ANKS1B: variants seen among roughly 807,000 people sequenced by gnomAD.
ANKS1B encodes the protein ankyrin repeat and sterile alpha motif domain-containing protein 1B.
Under a neutral mutation model 148.3 loss-of-function variants are expected in ANKS1B, and 36 were observed. The ratio of observed to expected loss-of-function variants is 0.24; its 90% confidence interval spans 0.19 to 0.32. The LOEUF (loss-of-function observed/expected upper bound fraction) is 0.32. Ranked by LOEUF, ANKS1B falls within the 10% of genes least tolerant of loss-of-function variation. ANKS1B has a pLI of 1.00. For missense variants in ANKS1B, 1,157 were observed against 1,542.6 expected (o/e 0.75, Z 4.19); for synonymous variants, 542 against 560.8 (o/e 0.97, Z 0.47).
At position 99,360,983 on chromosome 12, in the gene ANKS1B, A is replaced by T. The variant is rs1384382855; in HGVS notation, c.1756+38648T>A. Among the ~76,000 whole-genome samples, 8 of 151,564 alleles carry T rather than the reference A, an allele frequency of 5.3e-5. No individual in the cohort carries two copies. The South Asian group carries it at 1.7e-3, about 32-fold the overall frequency. ...GAAGGGTAGCTGGGGGACTGCGGGGAGGTGGGGATGGTTAATGGGTACAAA... is the reference window on the plus strand; with the variant it reads ...GAAGGGTAGCTGGGGGACTGCGGGGTGGTGGGGATGGTTAATGGGTACAAA... On this transcript the variant is annotated intron_variant, in intron 12 of 26. Coordinates refer to ENST00000683438, the MANE Select transcript of ANKS1B (RefSeq NM_001352186.2).
intron 14 of ANKS1B, among the ~76,000 whole-genome samples, chr12:99,227,611 C>T (rs775824002): frequency 5.3e-5 from 8 of 152,110 alleles, no homozygotes; most frequent in African/African-American, 9.7e-5. Context: ...AGCATCTGGC[C>T]GGGATCTGCA....
chr12:99,119,385 T>A (rs1175429033), intron 15 of ANKS1B, among the ~76,000 whole-genome samples: 1 of 152,216 alleles, frequency 6.6e-6, no homozygotes, highest in East Asian at 1.9e-4. Flanking sequence ...GATACTTATT[T>A]TGAATTCCTG....
chr12:99,262,815 G>A (rs901838162), intron 12 of ANKS1B, among the ~76,000 whole-genome samples: 2 of 151,724 alleles, frequency 1.3e-5, no homozygotes, highest in Admixed American at 6.6e-5. Context: ...ATTTGATTTT[G>A]TTTCTCTCTT....
intron 17 of ANKS1B, among the ~76,000 whole-genome samples, chr12:98,993,440 AT>A (rs1311319659): frequency 6.6e-6 from 1 of 152,194 alleles, no homozygotes; most frequent in Non-Finnish European, 1.5e-5. Flanking sequence ...AAGTGCTGGG[AT>A]TACAGGCCTG....
intron 10 of ANKS1B, among the ~76,000 whole-genome samples, chr12:99,478,333 C>G (rs1382203529): frequency 6.6e-6 from 1 of 151,932 alleles, no homozygotes; most frequent in Non-Finnish European, 1.5e-5. Flanking sequence ...CTTTAATTTC[C>G]CTATCATATT....
At chr12:99,756,945 C>T (rs1450731239) in intron 8 of ANKS1B, among the ~76,000 whole-genome samples, 3 of 151,396 alleles carry the variant, frequency 2.0e-5, no homozygotes, top group Non-Finnish European at 4.4e-5. Context: ...CAAAAATTAA[C>T]TCAAGATGGA....
chr12:99,732,660 T>C (rs2059275516), intron 8 of ANKS1B, among the ~76,000 whole-genome samples: 2 of 152,228 alleles, frequency 1.3e-5, no homozygotes, highest in South Asian at 2.1e-4. Context: ...ATCTTTATTA[T>C]GGTTTTAGTT....
At chr12:99,097,575 A>C (rs2056614526) in intron 15 of ANKS1B, 1 of 152,228 alleles carries the variant, frequency 6.6e-6, no homozygotes, top group Non-Finnish European at 1.5e-5. Context: ...GATTATAACA[A>C]CCAAAATAAA....
At chr12:99,504,007 C>G (rs1015339161) in intron 10 of ANKS1B, among the ~76,000 whole-genome samples, 9 of 152,070 alleles carry the variant, frequency 5.9e-5, no homozygotes, top group African/African-American at 2.2e-4. Context: ...TAATATTTGT[C>G]TTGCTTTGTT....
At chr12:99,151,167 A>G (rs2074770890) in intron 15 of ANKS1B, among the ~76,000 whole-genome samples, 1 of 152,194 alleles carries the variant, frequency 6.6e-6, no homozygotes, top group Non-Finnish European at 1.5e-5. Flanking sequence ...CAGGGAAAAA[A>G]TCACACATCA....
At chr12:99,717,956 T>A (rs1161228173) in intron 8 of ANKS1B, among the ~76,000 whole-genome samples, 1 of 141,104 alleles carries the variant, frequency 7.1e-6, no homozygotes, top group Non-Finnish European at 1.5e-5. Context: ...CAGGCTGGAG[T>A]GCAGTGGCGC....
intron 17 of ANKS1B, among the ~76,000 whole-genome samples, chr12:98,907,120 T>C (rs971278481): frequency 2.0e-5 from 3 of 152,108 alleles, no homozygotes; most frequent in Admixed American, 1.3e-4. Flanking sequence ...TTATTAACTA[T>C]AGTTACCATG....
intron 15 of ANKS1B, among the ~76,000 whole-genome samples, chr12:99,147,744 A>T (rs2073637094): frequency 6.6e-6 from 1 of 152,124 alleles, no homozygotes. Context: ...CTAAGGGATG[A>T]AAAGGTGTAG....
rs937714113 is a variant in ANKS1B, at chr12:99,479,276, G to T, written c.1438+25200C>A. 2.6e-5 allele frequency among the ~76,000 whole-genome samples: 4 copies of T among 151,956 alleles called. No homozygotes were observed. The South Asian group carries it at 8.3e-4, about 31-fold the overall frequency. On this transcript the variant is annotated intron_variant, in intron 10 of 26. Transcript: ENST00000683438. ...TAAAACTGGTTCATTACTTTTAAAA[G>T]AATTAAGTTGACTTTGAAATATAAC...
intron 9 of ANKS1B, among the ~76,000 whole-genome samples, chr12:99,624,565 C>T (rs928659124): frequency 2.6e-5 from 4 of 151,924 alleles, no homozygotes; most frequent in Non-Finnish European, 5.9e-5. Flanking sequence ...AAGCAAATAA[C>T]CCCATTAAAA....
At chr12:99,837,316 G>A (rs1244644996) in intron 1 of ANKS1B, among the ~76,000 whole-genome samples, 3 of 152,154 alleles carry the variant, frequency 2.0e-5, no homozygotes, top group African/African-American at 7.2e-5. Flanking sequence ...AGGACTATAG[G>A]ATAACAGATT....
intron 12 of ANKS1B, among the ~76,000 whole-genome samples, chr12:99,281,920 C>G (rs752526208): frequency 1.3e-5 from 2 of 152,184 alleles, no homozygotes; most frequent in Non-Finnish European, 2.9e-5. Context: ...ATGATTCAGT[C>G]TAATACATAA....
intron 12 of ANKS1B, among the ~76,000 whole-genome samples, chr12:99,314,003 A>T (rs921863815): frequency 6.6e-6 from 1 of 151,996 alleles, no homozygotes; most frequent in Admixed American, 6.6e-5. Flanking sequence ...TGACATGACT[A>T]TATACTTATA....
At chr12:99,420,216 C>T (rs1216578980) in intron 11 of ANKS1B, among the ~76,000 whole-genome samples, 1 of 152,086 alleles carries the variant, frequency 6.6e-6, no homozygotes, top group Admixed American at 6.6e-5. Context: ...GCTATAATTA[C>T]CCAAAATGTC....
Sources: gnomAD v4.1 joint callset for allele counts (sites outside exome capture counted in the v4.1 genomes callset) on GRCh38, gnomAD v4.1.1 for gene constraint, MANE v1.5 for transcripts, NCBI Gene and HGNC (gene_info 2026-07-23, HGNC 2026-07-21) for gene names.